Variants in PTPRD observed in about 807,000 individuals in gnomAD.
The protein encoded by PTPRD is receptor-type tyrosine-protein phosphatase delta.
In PTPRD, 34 loss-of-function variants were observed where a neutral mutation model predicts 214.5. That is an observed-to-expected ratio of 0.16 (90% CI 0.12 to 0.21). PTPRD has a LOEUF of 0.21. Among genes scored for constraint, PTPRD ranks in the 10% least tolerant of loss-of-function variants. PTPRD has a pLI of 1.00. For missense variants in PTPRD, 2,545 were observed against 2,398.7 expected (o/e 1.06, Z -1.27); for synonymous variants, 1,128 against 845.7 (o/e 1.33, Z -5.79).
chr9:8,505,897 A>G (rs1224930661), intron 22 of PTPRD, among the ~76,000 whole-genome samples: 1 of 152,154 alleles, frequency 6.6e-6, no homozygotes, highest in Non-Finnish European at 1.5e-5. Context: ...GTCGTGATGA[A>G]GGTTTAAACA....
intron 8 of PTPRD, among the ~76,000 whole-genome samples, chr9:9,411,262 C>CTTT (rs34617237): frequency 0.061 from 8,553 of 139,804 alleles, 394 homozygotes; most frequent in Middle Eastern, 0.13. Context: ...AGCATTGTGT[C>CTTT]TTTTTTTTTT....
At chr9:9,696,409 C>T (rs1278344580) in intron 7 of PTPRD, among the ~76,000 whole-genome samples, 1 of 152,040 alleles carries the variant, frequency 6.6e-6, no homozygotes, top group Non-Finnish European at 1.5e-5. Flanking sequence ...TGTTGAAGTC[C>T]CATGCTATTA....
chr9:8,338,847 C>CAGAGAGACAGAGAG, intron 43 of PTPRD, 75 bp downstream of exon 43: 1 of 1,076,430 alleles, frequency 9.3e-7, no homozygotes, highest in African/African-American at 1.5e-5. Flanking sequence ...GTGCTTCTCC[C>CAGAGAGACAGAGAG]AGAGAGAGAG....
chr9:8,434,058 C>G (rs1012305279), intron 35 of PTPRD, among the ~76,000 whole-genome samples: 3 of 152,188 alleles, frequency 2.0e-5, no homozygotes, highest in African/African-American at 7.2e-5. Context: ...CCTTGGCTCA[C>G]TGCAACCTCT....
chr9:8,937,038 T>C (rs1293885067), intron 11 of PTPRD, among the ~76,000 whole-genome samples: 2 of 151,936 alleles, frequency 1.3e-5, no homozygotes, highest in Non-Finnish European at 2.9e-5. Flanking sequence ...ACATTACCAC[T>C]TTCTGATGGC....
intron 3 of PTPRD, among the ~76,000 whole-genome samples, chr9:10,038,822 A>G (rs1326598000): frequency 1.3e-5 from 2 of 152,016 alleles, no homozygotes; most frequent in African/African-American, 2.4e-5. Context: ...TTATTATTGT[A>G]TCTATTCCCT....
At chr9:10,090,472 G>A (rs1030738369) in intron 3 of PTPRD, among the ~76,000 whole-genome samples, 8 of 150,750 alleles carry the variant, frequency 5.3e-5, no homozygotes, top group Non-Finnish European at 1.0e-4. Flanking sequence ...AAAACCTCTG[G>A]GAAAAATAAA....
intron 3 of PTPRD, among the ~76,000 whole-genome samples, chr9:10,296,695 G>A (rs907245195): frequency 6.6e-6 from 1 of 152,028 alleles, no homozygotes; most frequent in African/African-American, 2.4e-5. Context: ...ATTGGCACAG[G>A]AAGGGACACC....
intron 11 of PTPRD, among the ~76,000 whole-genome samples, chr9:8,826,857 T>A (rs1447739499): frequency 1.3e-5 from 2 of 151,912 alleles, no homozygotes; most frequent in Non-Finnish European, 2.9e-5. Flanking sequence ...TTCTCCCAAC[T>A]CTCTAACCCC....
chr9:8,805,878 C>T (rs1232249315), intron 11 of PTPRD, among the ~76,000 whole-genome samples: 3 of 150,062 alleles, frequency 2.0e-5, no homozygotes, highest in Non-Finnish European at 4.4e-5. Flanking sequence ...ACCTATAGTC[C>T]CAGCTACTCA....
At chr9:10,208,356 T>C (rs2099495647) in intron 3 of PTPRD, among the ~76,000 whole-genome samples, 2 of 152,162 alleles carry the variant, frequency 1.3e-5, no homozygotes, top group Non-Finnish European at 1.5e-5. Context: ...CTACTAAAAA[T>C]ACAAAAAATT....
intron 9 of PTPRD, among the ~76,000 whole-genome samples, chr9:9,393,203 G>GCGATAGA (rs58328162): frequency 2.0e-5 from 3 of 151,990 alleles, no homozygotes; most frequent in Admixed American, 1.3e-4. Flanking sequence ...AACATCTGGT[G>GCGATAGA]TGATAGACTG....
chr9:10,181,570 A>G (rs2099287544), intron 3 of PTPRD, among the ~76,000 whole-genome samples: 1 of 152,068 alleles, frequency 6.6e-6, no homozygotes, highest in South Asian at 2.1e-4. Flanking sequence ...AGTTGGTAAA[A>G]CAATTTTGAG....
At position 10,583,628 on chromosome 9, in the gene PTPRD, G is replaced by A. The variant is rs550521362; in HGVS notation, c.-600+28770C>T. On this transcript the variant is annotated intron_variant, in intron 2 of 45. Coordinates refer to ENST00000381196, the MANE Select transcript of PTPRD (RefSeq NM_002839.4). Reference sequence around the variant, plus strand: ...TGAGTAGCTGGGACTACAGGCACCCGCCACCACGCCCGGCTAATTTTTTGT... The same window carrying A: ...TGAGTAGCTGGGACTACAGGCACCCACCACCACGCCCGGCTAATTTTTTGT... Among the ~76,000 whole-genome samples the A allele has an allele frequency of 3.3e-5, 5 of 152,010 alleles. No individual in the cohort carries two copies. In the South Asian group the frequency reaches 1.0e-3, roughly 32 times the overall value.
intron 5 of PTPRD, among the ~76,000 whole-genome samples, chr9:9,828,805 G>C (rs1223804412): frequency 3.3e-5 from 5 of 151,136 alleles, no homozygotes; most frequent in Non-Finnish European, 5.9e-5. Flanking sequence ...CCATCATCTA[G>C]TTATTGGTAA....
intron 8 of PTPRD, among the ~76,000 whole-genome samples, chr9:9,533,018 G>A (rs150155202): frequency 1.1e-4 from 16 of 152,220 alleles, no homozygotes; most frequent in African/African-American, 3.9e-4. Flanking sequence ...AGTTTACAGA[G>A]ATGCTCAACA....
chr9:8,418,886 C>A (rs2094147753), intron 35 of PTPRD, among the ~76,000 whole-genome samples: 1 of 151,908 alleles, frequency 6.6e-6, no homozygotes, highest in South Asian at 2.1e-4. Flanking sequence ...CTTCTCAGAT[C>A]CAATAGTAGG....
chr9:8,460,716 G>C, intron 32 of PTPRD, 145 bp from the exon 33 acceptor site: 1 of 728,470 alleles, frequency 1.4e-6, no homozygotes, highest in Non-Finnish European at 2.1e-6. Context: ...GAGGGGAGGG[G>C]AGAGGAGAAT....
intron 9 of PTPRD, among the ~76,000 whole-genome samples, chr9:9,287,280 G>A (rs1464469424): frequency 6.6e-6 from 1 of 151,610 alleles, no homozygotes; most frequent in Non-Finnish European, 1.5e-5. Context: ...ATGTTTATGT[G>A]CTAGCCCCAT....
Sources: allele counts gnomAD v4.1 joint callset (sites outside exome capture counted in the v4.1 genomes callset), GRCh38; gene constraint gnomAD v4.1.1; transcripts MANE v1.5; gene names NCBI Gene and HGNC (gene_info 2026-07-23, HGNC 2026-07-21).